The following AGBL1 variants were observed in gnomAD, a reference collection of about 807,000 sequenced individuals.
AGBL1 encodes the protein cytosolic carboxypeptidase 4.
Under a neutral mutation model 118.9 loss-of-function variants are expected in AGBL1, and 130 were observed. The ratio of observed to expected loss-of-function variants is 1.09; its 90% CI spans 0.95 to 1.26. The LOEUF (loss-of-function observed/expected upper bound fraction) is 1.26, where lower values mean the gene tolerates loss of function less well. Ranked by LOEUF, AGBL1 falls within the 50% of genes most tolerant of loss-of-function variation. The pLI is 0.00. For synonymous variants in AGBL1, 555 were observed against 478.9 expected (o/e 1.16, Z -2.08); for missense variants, 1,584 against 1,298.1 (o/e 1.22, Z -3.38).
At chr15:86,796,725 A>G (rs563556743) in intron 22 of AGBL1, among the ~76,000 whole-genome samples, 10 of 152,278 alleles carry the variant, frequency 6.6e-5, no homozygotes, top group African/African-American at 2.2e-4. Flanking sequence ...ACACCCATCT[A>G]TTTACATATC....
chr15:86,204,241 C>T (rs1473027112), intron 5 of AGBL1, among the ~76,000 whole-genome samples: 1 of 152,220 alleles, frequency 6.6e-6, no homozygotes, highest in Non-Finnish European at 1.5e-5. Flanking sequence ...GCACCATATT[C>T]TCCTGCCAAC....
chr15:86,790,343 AACACAC>A (rs4035430), intron 22 of AGBL1, among the ~76,000 whole-genome samples: 7 of 148,898 alleles, frequency 4.7e-5, no homozygotes, highest in Non-Finnish European at 7.5e-5. Flanking sequence ...TTGTCCTTCA[AACACAC>A]ACACACACAC....
At chr15:86,886,257 T>C (rs2079969708) in intron 22 of AGBL1, among the ~76,000 whole-genome samples, 1 of 152,244 alleles carries the variant, frequency 6.6e-6, no homozygotes, top group African/African-American at 2.4e-5. Context: ...ATGGCAAGTG[T>C]ACTAAAATCA....
intron 21 of AGBL1, among the ~76,000 whole-genome samples, chr15:86,580,497 T>C (rs1179152995): frequency 7.7e-6 from 1 of 130,418 alleles, no homozygotes; most frequent in African/African-American, 2.5e-5. Flanking sequence ...TTCTAGACTT[T>C]GTTACATGCA....
At chr15:86,548,344 T>C (rs1486617133) in intron 20 of AGBL1, among the ~76,000 whole-genome samples, 1 of 152,170 alleles carries the variant, frequency 6.6e-6, no homozygotes, top group Non-Finnish European at 1.5e-5. Context: ...CTCTGCAACA[T>C]TTATTCAGTT....
At chr15:86,902,868 T>A (rs2080230014) in intron 22 of AGBL1, among the ~76,000 whole-genome samples, 1 of 152,208 alleles carries the variant, frequency 6.6e-6, no homozygotes, top group Non-Finnish European at 1.5e-5. Context: ...AGATTAGCTA[T>A]CATCTGTCTT....
At chr15:86,285,180 T>C (rs184580467) in intron 16 of AGBL1, among the ~76,000 whole-genome samples, 98 of 152,290 alleles carry the variant, frequency 6.4e-4, no homozygotes, top group Middle Eastern at 3.4e-3. Flanking sequence ...CTTGGTTTAC[T>C]TCTAGCAATC....
chr15:86,942,711 C>T (rs1282897066), intron 23 of AGBL1, among the ~76,000 whole-genome samples: 1 of 152,188 alleles, frequency 6.6e-6, no homozygotes, highest in Non-Finnish European at 1.5e-5. Flanking sequence ...GTAATCCCTT[C>T]TCTTACAGTT....
chr15:86,820,473 TAAAC>T (rs2078924971), intron 22 of AGBL1, among the ~76,000 whole-genome samples: 1 of 151,840 alleles, frequency 6.6e-6, no homozygotes, highest in African/African-American at 2.4e-5. Context: ...AAAAGGAACT[TAAAC>T]AAATTTACAT....
At chr15:86,468,759 A>G (rs1362997816) in intron 18 of AGBL1, among the ~76,000 whole-genome samples, 1 of 152,200 alleles carries the variant, frequency 6.6e-6, no homozygotes, top group Non-Finnish European at 1.5e-5. Context: ...CTAATAATTC[A>G]GCAATTATGG....
chr15:86,207,603 GCTCT>G (rs755638425), intron 5 of AGBL1, among the ~76,000 whole-genome samples: 8 of 152,036 alleles, frequency 5.3e-5, no homozygotes, highest in Non-Finnish European at 7.4e-5. Flanking sequence ...TCATGATTTG[GCTCT>G]CTGTTTGTCT....
chr15:86,890,479 C>T (rs561145402), intron 22 of AGBL1, among the ~76,000 whole-genome samples: 2 of 152,150 alleles, frequency 1.3e-5, no homozygotes, highest in African/African-American at 4.8e-5. Context: ...GTGCCTGTGT[C>T]CTGAATGGTA....
At chr15:86,540,201 T>C (rs2083475390) in intron 19 of AGBL1, among the ~76,000 whole-genome samples, 1 of 152,192 alleles carries the variant, frequency 6.6e-6, no homozygotes, top group Admixed American at 6.5e-5. Flanking sequence ...TTATTATTGT[T>C]ACGGAGAGCA....
chr15:86,324,877 G>A (rs12593149), intron 17 of AGBL1, among the ~76,000 whole-genome samples: 66,688 of 151,946 alleles, frequency 0.44, 14,979 homozygotes, highest in Middle Eastern at 0.57. Context: ...GTGAGCCAAT[G>A]TCTCCCTAGC....
intron 18 of AGBL1, among the ~76,000 whole-genome samples, chr15:86,518,269 G>A (rs899820925): frequency 3.3e-5 from 5 of 151,820 alleles, no homozygotes; most frequent in Admixed American, 6.6e-5. Context: ...TAAAGCCCGC[G>A]GTTATGTTAC....
At chr15:86,963,894 AAG>A (rs2081019338) in intron 23 of AGBL1, among the ~76,000 whole-genome samples, 1 of 151,968 alleles carries the variant, frequency 6.6e-6, no homozygotes, top group East Asian at 1.9e-4. Flanking sequence ...AGCCAGAGAT[AAG>A]AGATCTTGAA....
At chr15:86,501,206 A>G (rs1440301624) in intron 18 of AGBL1, among the ~76,000 whole-genome samples, 1 of 151,708 alleles carries the variant, frequency 6.6e-6, no homozygotes, top group East Asian at 1.9e-4. Context: ...CGGAGTGGGT[A>G]TGAAATGGTA....
intron 3 of AGBL1, among the ~76,000 whole-genome samples, chr15:86,152,552 C>T (rs1279413630): frequency 6.6e-6 from 1 of 152,092 alleles, no homozygotes; most frequent in African/African-American, 2.4e-5. Flanking sequence ...GACCTAAAAC[C>T]ATAAAAACCC....
chr15:86,202,833 A>G (rs1266603246), intron 5 of AGBL1, among the ~76,000 whole-genome samples: 1 of 152,172 alleles, frequency 6.6e-6, no homozygotes, highest in African/African-American at 2.4e-5. Flanking sequence ...CCTGGTGCTA[A>G]GTGCTTCTAG....
Sources: gnomAD v4.1 joint callset for allele counts (sites outside exome capture counted in the v4.1 genomes callset) on GRCh38, gnomAD v4.1.1 for gene constraint, MANE v1.5 for transcripts, NCBI Gene and HGNC (gene_info 2026-07-23, HGNC 2026-07-21) for gene names.